Variants in ITGA1 observed in about 807,000 individuals in gnomAD.
ITGA1 encodes integrin alpha-1.
In ITGA1, 85 loss-of-function variants were observed where a neutral mutation model predicts 145.9. The ratio of observed to expected loss-of-function variants is 0.58; its 90% CI spans 0.49 to 0.70. The LOEUF (loss-of-function observed/expected upper bound fraction) is 0.70, where lower values mean the gene tolerates loss of function less well. Among genes scored for constraint, ITGA1 ranks in the 30% least tolerant of loss-of-function variants. The probability of loss-of-function intolerance (pLI) is 0.00; values close to 1 mark genes in which losing one functional copy is unlikely to be tolerated. For missense variants in ITGA1, 1,351 were observed against 1,418.7 expected, an observed-to-expected ratio of 0.95 and a Z score of 0.77; for synonymous variants, 520 against 495.3, an observed-to-expected ratio of 1.05 and a Z score of -0.66.
At position 52,956,697 on chromosome 5, in the gene ITGA1, T is replaced by C. The variant is rs1174685013; in HGVS notation, c.*4246T>C. The C allele has an allele frequency of 6.6e-6, 1 of 152,232 alleles. No homozygotes were observed. Among genetic ancestry groups the C allele is most frequent in the Non-Finnish European group, 1.5e-5 (1 of 68,070 alleles). The allele number at this position is 152,232 out of a possible 1,614,324, so 9.4% of individuals were successfully genotyped here. On this transcript the variant is annotated 3_prime_UTR_variant, in exon 29 of 29. Transcript: ENST00000282588. ...AAGCTAGCAGGATTTAGCTCTTCAA[T>C]GGCCCTCCAAATGCACCCAACAATC... is the stretch of plus-strand genomic sequence containing the variant.
intron 8 of ITGA1, among the ~76,000 whole-genome samples, 199 bp from the exon 9 acceptor site, chr5:52,893,476 C>T (rs1750181253): frequency 1.3e-5 from 2 of 152,054 alleles, no homozygotes; most frequent in African/African-American, 4.8e-5. Context: ...TTTTTCTACA[C>T]CAATTGTGGT....
At chr5:52,851,577 G>A (rs1005957016) in intron 2 of ITGA1, among the ~76,000 whole-genome samples, 1 of 152,156 alleles carries the variant, frequency 6.6e-6, no homozygotes, top group Admixed American at 6.5e-5. Flanking sequence ...AGCCAACACT[G>A]GTTAAGGAAC....
chr5:52,881,810 C>G (rs901078720), intron 6 of ITGA1, 63 bp from the exon 7 acceptor site: 25 of 1,473,800 alleles, frequency 1.7e-5, no homozygotes, highest in Non-Finnish European at 1.9e-5. Context: ...ACATGGTTAA[C>G]CTGAAGAAAT....
chr5:52,864,622 G>C (rs1749654775), intron 3 of ITGA1, 141 bp from the exon 4 acceptor site: 2 of 614,036 alleles, frequency 3.3e-6, no homozygotes, highest in Non-Finnish European at 5.8e-6. Context: ...TCCTTAAGAA[G>C]ACTTGGAAGA....
At position 52,872,575 on chromosome 5, in the gene ITGA1, A is replaced by ATTTTTTTTTTTTTTTTTTTTTTTTTTT. The variant is rs58664401; in HGVS notation, c.624+6776_624+6777insTTTTTTTTTTTTTTTTTTTTTTTTTTT. On this transcript the variant is annotated intron_variant, in intron 6 of 28. Transcript: ENST00000282588. ...CTTCCCCTTACACCCGCCTCAGTCA[A>ATTTTTTTTTTTTTTTTTTTTTTTTTTT]TTTTTTTTTTTTTTTTTTGTGGGTG... 4.5e-4 allele frequency among the ~76,000 whole-genome samples: 44 copies of ATTTTTTTTTTTTTTTTTTTTTTTTTTT among 98,354 alleles called. 7 individuals carry two copies. The highest frequency in any genetic ancestry group is 2.6e-3 in the East Asian group (6 of 2,290). The allele number at this position is 98,354 out of a possible 152,430, so 64.5% of individuals were successfully genotyped here. A position where few individuals can be genotyped will look rare whatever the true frequency, so the allele number is the denominator to read the frequency against.
At chr5:52,793,345 A>G (rs1315087700) in intron 1 of ITGA1, among the ~76,000 whole-genome samples, 3 of 151,940 alleles carry the variant, frequency 2.0e-5, no homozygotes, top group African/African-American at 4.8e-5. Flanking sequence ...TTTATTATAT[A>G]CCTCTGCCTT....
chr5:52,914,942 C>T (rs1032664837), intron 14 of ITGA1, among the ~76,000 whole-genome samples: 2 of 152,130 alleles, frequency 1.3e-5, no homozygotes, highest in African/African-American at 4.8e-5. Flanking sequence ...CTCTTGTGCC[C>T]TCAACTTTTA....
chr5:52,902,832 C>A (rs1372254265), intron 11 of ITGA1: 1 of 152,268 alleles, frequency 6.6e-6, no homozygotes, highest in Admixed American at 6.5e-5. Flanking sequence ...GCCTCGGATT[C>A]CCAAAGTGCT....
At chr5:52,907,448 G>A (rs1398624901) in intron 12 of ITGA1, among the ~76,000 whole-genome samples, 1 of 152,126 alleles carries the variant, frequency 6.6e-6, no homozygotes, top group African/African-American at 2.4e-5. Context: ...TACAAGACAA[G>A]AAGTGTCAAA....
intron 1 of ITGA1, among the ~76,000 whole-genome samples, chr5:52,790,131 G>T (rs73092763): frequency 0.047 from 7,083 of 152,050 alleles, 550 homozygotes; most frequent in African/African-American, 0.16. Context: ...TGTAACCTGG[G>T]GACTCATCAC....
intron 1 of ITGA1, among the ~76,000 whole-genome samples, chr5:52,836,995 C>T (rs1749171283): frequency 6.6e-6 from 1 of 152,124 alleles, no homozygotes; most frequent in Admixed American, 6.6e-5. Context: ...AATGTGCCCT[C>T]TACCCAGCTT....
intron 26 of ITGA1, among the ~76,000 whole-genome samples, chr5:52,943,832 G>A (rs1274842603): frequency 6.6e-6 from 1 of 152,152 alleles, no homozygotes; most frequent in Non-Finnish European, 1.5e-5. Context: ...TCCTGAGACG[G>A]ACATGCCATC....
intron 1 of ITGA1, chr5:52,800,701 G>C: frequency 6.2e-7 from 1 of 1,614,188 alleles, no homozygotes; most frequent in Non-Finnish European, 8.5e-7. Flanking sequence ...CCACACCATC[G>C]AGCTGGAGCC....
Position 52,893,202 on chromosome 5 carries a change from T to C in ITGA1, c.925-473T>C, listed in dbSNP as rs9647529. Among the ~76,000 whole-genome samples, 321 of 152,286 alleles carry C rather than the reference T, an allele frequency of 2.1e-3. 2 individuals are homozygous for C. The highest frequency in any genetic ancestry group is 4.3e-3 in the Admixed American group (65 of 15,284). ...ATTTAGATTACCACTTAGTCCAGTA[T>C]GTGTTTAAAATATATATGTGCTGGA... is the stretch of plus-strand genomic sequence containing the variant. On this transcript the variant is annotated intron_variant, in intron 8 of 28. Transcript: ENST00000282588.
intron 1 of ITGA1, among the ~76,000 whole-genome samples, chr5:52,790,943 G>A (rs191219346): frequency 8.2e-4 from 125 of 151,994 alleles, no homozygotes; most frequent in African/African-American, 2.7e-3. Context: ...TTTATACATC[G>A]AGAAAAGAAT....
intron 19 of ITGA1, among the ~76,000 whole-genome samples, 161 bp from the exon 20 acceptor site, chr5:52,927,423 G>A (rs1268506403): frequency 1.3e-5 from 2 of 152,178 alleles, no homozygotes; most frequent in Non-Finnish European, 2.9e-5. Flanking sequence ...TTCCATGAGT[G>A]TAGAACAGCT....
intron 1 of ITGA1, among the ~76,000 whole-genome samples, chr5:52,817,920 G>T (rs1396766249): frequency 1.3e-5 from 2 of 152,158 alleles, no homozygotes; most frequent in Non-Finnish European, 2.9e-5. Context: ...CACAAGCTCT[G>T]TAGTGACTAC....
At chr5:52,791,056 CT>C (rs1184024043) in intron 1 of ITGA1, among the ~76,000 whole-genome samples, 1 of 152,196 alleles carries the variant, frequency 6.6e-6, no homozygotes, top group African/African-American at 2.4e-5. Context: ...TCCCAATAAA[CT>C]TCCTATTTGA....
At chr5:52,836,787 A>C (rs889493402) in intron 1 of ITGA1, among the ~76,000 whole-genome samples, 3 of 152,170 alleles carry the variant, frequency 2.0e-5, no homozygotes, top group Non-Finnish European at 4.4e-5. Flanking sequence ...AGAAGCAAGA[A>C]TGGCACTGTG....
Sources: allele counts gnomAD v4.1 joint callset (sites outside exome capture counted in the v4.1 genomes callset), GRCh38; gene constraint gnomAD v4.1.1; transcripts MANE v1.5; gene names NCBI Gene and HGNC (gene_info 2026-07-23, HGNC 2026-07-21).